Variants in TMEM9 observed in about 807,000 individuals in gnomAD.
TMEM9 encodes the protein transmembrane protein 9.
Under a neutral mutation model 22.8 loss-of-function variants are expected in TMEM9, and 13 were observed. That is an observed-to-expected ratio of 0.57 (90% CI 0.37 to 0.91). The LOEUF is 0.91. Among genes scored for constraint, TMEM9 ranks in the 40% least tolerant of loss-of-function variants. The pLI is 0.01. For missense variants in TMEM9, 182 were observed against 238.1 expected (o/e 0.76, Z 1.55); for synonymous variants, 88 against 93.0 (o/e 0.95, Z 0.31).
intron 2 of TMEM9, among the ~76,000 whole-genome samples, chr1:201,151,218 G>C (rs12027879): frequency 6.6e-6 from 1 of 152,092 alleles, no homozygotes; most frequent in Non-Finnish European, 1.5e-5. Flanking sequence ...TCCCTTCACC[G>C]CACTAGTCTC....
At chr1:201,141,800 T>C (rs1664550598) in intron 4 of TMEM9, among the ~76,000 whole-genome samples, 1 of 152,116 alleles carries the variant, frequency 6.6e-6, no homozygotes. Context: ...CCAGGTCTCC[T>C]GGGGGTAAGA....
chr1:201,156,818 A>G (rs922705583), upstream of TMEM9, among the ~76,000 whole-genome samples: 8 of 152,112 alleles, frequency 5.3e-5, no homozygotes, highest in Admixed American at 3.9e-4. Flanking sequence ...TGTGAGCCAA[A>G]CTCCAGGGCT....
At chr1:201,160,780 C>CA (rs936273013) in intron 1 of TMEM9, among the ~76,000 whole-genome samples, 1 of 151,644 alleles carries the variant, frequency 6.6e-6, no homozygotes, top group African/African-American at 2.4e-5. Context: ...ACTAAAAATA[C>CA]AAAAAATGAG....
chr1:201,159,177 C>A (rs545545323), upstream of TMEM9, among the ~76,000 whole-genome samples: 2 of 152,214 alleles, frequency 1.3e-5, no homozygotes, highest in Admixed American at 1.3e-4. Flanking sequence ...TGTGTTAACA[C>A]TCTCAAAGGG....
chr1:201,141,244 C>T (rs1439557899), intron 4 of TMEM9, among the ~76,000 whole-genome samples: 1 of 152,258 alleles, frequency 6.6e-6, no homozygotes, highest in Non-Finnish European at 1.5e-5. Flanking sequence ...ACGTTTCCTG[C>T]TGCTTTACCT....
At chr1:201,139,155 G>A (rs1159496150) in intron 4 of TMEM9, among the ~76,000 whole-genome samples, 1 of 152,170 alleles carries the variant, frequency 6.6e-6, no homozygotes, top group Non-Finnish European at 1.5e-5. Flanking sequence ...ACTGGACTTG[G>A]CCAAAGCCTG....
At chr1:201,162,230 A>G (rs575382432) in intron 1 of TMEM9, among the ~76,000 whole-genome samples, 2 of 150,646 alleles carry the variant, frequency 1.3e-5, no homozygotes, top group East Asian at 3.9e-4. Flanking sequence ...ATCATGGCTC[A>G]CTGCAGCCTT....
chr1:201,157,972 G>T (rs997654981), upstream of TMEM9, among the ~76,000 whole-genome samples: 1 of 152,222 alleles, frequency 6.6e-6, no homozygotes, highest in African/African-American at 2.4e-5. Context: ...ATAAATTAAG[G>T]CCCTTGGTTG....
chr1:201,148,173 T>A (rs1665140260), intron 2 of TMEM9, among the ~76,000 whole-genome samples: 1 of 152,160 alleles, frequency 6.6e-6, no homozygotes, highest in Non-Finnish European at 1.5e-5. Flanking sequence ...AGGTTCCACA[T>A]CTAAAAACAG....
chr1:201,159,395 C>T (rs76795003), upstream of TMEM9, among the ~76,000 whole-genome samples: 585 of 152,204 alleles, frequency 3.8e-3, 7 homozygotes, highest in African/African-American at 0.013. Context: ...GGGCAGAGAG[C>T]GCCCTGCTGT....
chr1:201,146,685 C>A (rs192812985), intron 3 of TMEM9, 55 bp downstream of exon 3: 2 of 1,532,900 alleles, frequency 1.3e-6, no homozygotes, highest in Admixed American at 1.7e-5. Flanking sequence ...GGCCAGTCTG[C>A]GATTGGAGAA....
upstream of TMEM9, among the ~76,000 whole-genome samples, chr1:201,158,618 C>A (rs2365297): frequency 0.44 from 66,498 of 151,810 alleles, 15,389 homozygotes; most frequent in African/African-American, 0.58. Flanking sequence ...AGGAGGGAGC[C>A]GGGAGCCCCT....
chr1:201,160,227 CT>C (rs1164712219), intron 1 of TMEM9, among the ~76,000 whole-genome samples: 1 of 152,228 alleles, frequency 6.6e-6, no homozygotes, highest in Non-Finnish European at 1.5e-5. Context: ...CAGTTTCCCC[CT>C]GAAAAGATTT....
Position 201,146,807 on chromosome 1 carries a change from T to C in TMEM9, c.200A>G (p.His67Arg). Residue 67 changes from histidine to arginine, a missense_variant, in exon 3 of 5, where the codon CAT (histidine) becomes CGT (arginine). By Grantham distance (29) the His-to-Arg change is conservative (BLOSUM62 0). Transcript: ENST00000367330. ...HVVEPMPVPG[H>R]DVEAYCLLCE... ...CAGCAGGCAGTAGGCCTCCACGTCA[T>C]GGCCAGGCACTGGCATGGGCTCCAC... 3.1e-6 allele frequency: 5 copies of C among 1,614,216 alleles called. No individual in the cohort carries two copies. The highest frequency in any genetic ancestry group is 4.2e-6 in the Non-Finnish European group (5 of 1,180,024).
upstream of TMEM9, among the ~76,000 whole-genome samples, chr1:201,154,789 A>G (rs1400803606): frequency 1.3e-5 from 2 of 152,176 alleles, no homozygotes; most frequent in African/African-American, 2.4e-5. Flanking sequence ...GTAAGCTAGT[A>G]ACGTCAACAA....
chr1:201,141,836 G>A (rs1239489538), intron 4 of TMEM9, among the ~76,000 whole-genome samples: 1 of 152,128 alleles, frequency 6.6e-6, no homozygotes. Flanking sequence ...ACCCAGGGAC[G>A]GCAAGCTGCT....
rs779631228 is a variant in TMEM9, at chr1:201,143,886, C to T, written c.333G>A (p.Leu111=). The stretch of plus-strand genomic sequence containing the variant: ...CCGGCTTTCGGATCAGAGGGTCCAC[C>T]AGCATCAGGAAGGCCATGTAGAGCA... ...ALLLYMAFLM[L]VDPLIRKPDA... Residue 111 remains leucine (L), a synonymous_variant, in exon 4 of 5, where the codon CTG becomes CTA. Coordinates refer to ENST00000367330, the MANE Select transcript of TMEM9 (RefSeq NM_001288565.2). 1.2e-6 allele frequency: 2 copies of T among 1,614,114 alleles called. No homozygotes were observed. The highest frequency in any genetic ancestry group is 3.3e-5 in the Admixed American group (2 of 60,014).
intron 1 of TMEM9, among the ~76,000 whole-genome samples, chr1:201,162,225 G>C (rs1164273350): frequency 6.7e-6 from 1 of 150,166 alleles, no homozygotes; most frequent in Non-Finnish European, 1.5e-5. Context: ...GCACAATCAT[G>C]GCTCACTGCA....
chr1:201,168,277 T>C (rs1167126109), intron 1 of TMEM9, among the ~76,000 whole-genome samples: 2 of 151,984 alleles, frequency 1.3e-5, no homozygotes, highest in Non-Finnish European at 2.9e-5. Context: ...TACCTAGGAG[T>C]AGAATTGCTG....
Sources: gnomAD v4.1 joint callset for allele counts (sites outside exome capture counted in the v4.1 genomes callset) on GRCh38, gnomAD v4.1.1 for gene constraint, MANE v1.5 for transcripts, NCBI Gene and HGNC (gene_info 2026-07-23, HGNC 2026-07-21) for gene names.